The following SLC39A11 variants were observed in gnomAD, a reference collection of about 807,000 sequenced individuals.
SLC39A11 encodes solute carrier family 39 member 11.
Under a neutral mutation model 36.1 loss-of-function variants are expected in SLC39A11, and 33 were observed. The observed-to-expected ratio is 0.91, with a 90% CI of 0.69 to 1.22. The LOEUF is 1.22. Ranked by LOEUF, SLC39A11 falls within the 50% of genes most tolerant of loss-of-function variation. The pLI is 0.00. For synonymous variants in SLC39A11, 166 were observed against 170.3 expected (o/e 0.97, Z 0.20); for missense variants, 432 against 430.3 (o/e 1.00, Z -0.03).
intron 3 of SLC39A11, among the ~76,000 whole-genome samples, chr17:73,061,580 A>G (rs994334662): frequency 6.6e-6 from 1 of 152,246 alleles, no homozygotes; most frequent in African/African-American, 2.4e-5. Flanking sequence ...AGGGTTATGC[A>G]TCTTAATTGG....
At chr17:72,719,239 T>C (rs2073544828) in intron 7 of SLC39A11, among the ~76,000 whole-genome samples, 3 of 152,014 alleles carry the variant, frequency 2.0e-5, no homozygotes, top group Non-Finnish European at 4.4e-5. Context: ...AAAGACTCTA[T>C]CTCAAAAAAA....
At chr17:73,027,359 C>T (rs965466695) in intron 4 of SLC39A11, among the ~76,000 whole-genome samples, 1 of 152,220 alleles carries the variant, frequency 6.6e-6, no homozygotes, top group African/African-American at 2.4e-5. Context: ...GTAGGCTGCA[C>T]CTTCCTTGTC....
intron 6 of SLC39A11, among the ~76,000 whole-genome samples, chr17:72,762,422 C>T (rs954052276): frequency 1.3e-5 from 2 of 152,132 alleles, no homozygotes; most frequent in Non-Finnish European, 2.9e-5. Flanking sequence ...AGGAAGTTAC[C>T]CTATATGGTC....
intron 6 of SLC39A11, among the ~76,000 whole-genome samples, chr17:72,803,839 G>T (rs2077169861): frequency 6.6e-6 from 1 of 152,092 alleles, no homozygotes; most frequent in South Asian, 2.1e-4. Context: ...CAGAATTCAG[G>T]TATTCTTGCT....
At chr17:72,757,883 GTTTGTT>G (rs1227169571) in intron 6 of SLC39A11, among the ~76,000 whole-genome samples, 1 of 151,892 alleles carries the variant, frequency 6.6e-6, no homozygotes, top group Non-Finnish European at 1.5e-5. Context: ...TTAGTATTTT[GTTTGTT>G]TTTGTTTTTG....
At chr17:72,986,179 C>T (rs1401294112) in intron 4 of SLC39A11, among the ~76,000 whole-genome samples, 1 of 152,166 alleles carries the variant, frequency 6.6e-6, no homozygotes, top group Non-Finnish European at 1.5e-5. Context: ...ATATATTGTT[C>T]CCACAGCCCT....
intron 4 of SLC39A11, among the ~76,000 whole-genome samples, chr17:72,967,862 G>A (rs1415872143): frequency 6.6e-6 from 1 of 152,174 alleles, no homozygotes; most frequent in African/African-American, 2.4e-5. Context: ...ACTGTGCCCA[G>A]CCCCTTAACA....
At chr17:73,078,459 CTG>C (rs2060402121) in intron 3 of SLC39A11, among the ~76,000 whole-genome samples, 1 of 151,080 alleles carries the variant, frequency 6.6e-6, no homozygotes, top group South Asian at 2.1e-4. Context: ...TTAAATAAAA[CTG>C]TTTCATTAGT....
intron 6 of SLC39A11, among the ~76,000 whole-genome samples, chr17:72,824,686 G>A (rs778645822): frequency 2.6e-5 from 4 of 151,302 alleles, no homozygotes; most frequent in Non-Finnish European, 4.4e-5. Context: ...TTAGATGGAG[G>A]AACTTTTTGG....
At chr17:72,693,605 A>C (rs1004674012) in intron 7 of SLC39A11, among the ~76,000 whole-genome samples, 3 of 152,212 alleles carry the variant, frequency 2.0e-5, no homozygotes, top group Non-Finnish European at 2.9e-5. Context: ...CACGCTCAGC[A>C]GCACAGAATC....
intron 5 of SLC39A11, among the ~76,000 whole-genome samples, chr17:72,852,033 T>C (rs1598107828): frequency 1.3e-5 from 2 of 150,878 alleles, no homozygotes; most frequent in East Asian, 3.9e-4. Flanking sequence ...AAACCCTATC[T>C]CTACTAAAAA....
At chr17:72,911,160 T>A (rs758380223) in intron 5 of SLC39A11, among the ~76,000 whole-genome samples, 1 of 152,046 alleles carries the variant, frequency 6.6e-6, no homozygotes, top group Non-Finnish European at 1.5e-5. Flanking sequence ...GCCTCCACCA[T>A]ACGGATTTAG....
intron 3 of SLC39A11, among the ~76,000 whole-genome samples, chr17:73,057,664 G>A (rs895261918): frequency 1.3e-5 from 2 of 152,204 alleles, no homozygotes; most frequent in Non-Finnish European, 1.5e-5. Flanking sequence ...GAGGCCAGGC[G>A]CGGTGGCTCA....
At chr17:72,893,823 T>C (rs1420805789) in intron 5 of SLC39A11, among the ~76,000 whole-genome samples, 1 of 152,162 alleles carries the variant, frequency 6.6e-6, no homozygotes, top group Non-Finnish European at 1.5e-5. Flanking sequence ...GTCCCATTGT[T>C]GGAGAGAAAG....
intron 6 of SLC39A11, among the ~76,000 whole-genome samples, chr17:72,761,744 A>G (rs1485242477): frequency 6.6e-6 from 1 of 152,194 alleles, no homozygotes. Context: ...CAGGAGTCCC[A>G]TCACTGTACA....
intron 7 of SLC39A11, among the ~76,000 whole-genome samples, chr17:72,701,146 A>G (rs1158690225): frequency 6.6e-6 from 1 of 152,162 alleles, no homozygotes; most frequent in African/African-American, 2.4e-5. Context: ...AACTGGTCTC[A>G]TTTTGCAGTT....
intron 5 of SLC39A11, among the ~76,000 whole-genome samples, chr17:72,910,088 G>A (rs908164229): frequency 6.6e-6 from 1 of 152,014 alleles, no homozygotes; most frequent in African/African-American, 2.4e-5. Flanking sequence ...CAGAAGGTTG[G>A]ACTGGAACCC....
chr17:72,917,625 T>C (rs1024589522), intron 5 of SLC39A11, among the ~76,000 whole-genome samples: 14 of 152,152 alleles, frequency 9.2e-5, no homozygotes, highest in African/African-American at 2.9e-4. Context: ...AAAAATTTCA[T>C]TTGCCTGACA....
In SLC39A11 at chr17:72,647,549, G is replaced by GT; in HGVS notation, c.*34dup. The GT allele has an allele frequency of 6.3e-7, 1 of 1,590,390 alleles. No homozygotes were observed. Among genetic ancestry groups the GT allele is most frequent in the Non-Finnish European group, 8.6e-7 (1 of 1,162,602 alleles). ...AGAAGCCAACCACTGCTGTTTCTTC[G>GT]TATGGCCTTTCCCGGGGTCCGAAGC... is the stretch of plus-strand genomic sequence containing the variant. On this transcript the variant is annotated 3_prime_UTR_variant, in exon 10 of 10. Coordinates refer to ENST00000255559, the MANE Select transcript of SLC39A11 (RefSeq NM_139177.4).
Sources: gnomAD v4.1 joint callset for allele counts (sites outside exome capture counted in the v4.1 genomes callset) on GRCh38, gnomAD v4.1.1 for gene constraint, MANE v1.5 for transcripts, NCBI Gene and HGNC (gene_info 2026-07-23, HGNC 2026-07-21) for gene names.